The following SYNJ1 variants were observed in gnomAD, a reference collection of about 807,000 sequenced individuals.
SYNJ1 encodes the protein synaptojanin 1.
Under a neutral mutation model 168.2 loss-of-function variants are expected in SYNJ1, and 78 were observed. That is an observed-to-expected ratio of 0.46 (90% CI 0.39 to 0.56). The LOEUF (loss-of-function observed/expected upper bound fraction) is 0.56. Ranked by LOEUF, SYNJ1 falls within the 20% of genes least tolerant of loss-of-function variation. The pLI is 0.00. For missense variants in SYNJ1, 1,303 were observed against 1,597.6 expected (o/e 0.82, Z 3.14); for synonymous variants, 539 against 548.6 (o/e 0.98, Z 0.24).
chr21:32,668,176 C>G (rs757987341), intron 15 of SYNJ1, among the ~76,000 whole-genome samples: 2 of 152,122 alleles, frequency 1.3e-5, no homozygotes, highest in Non-Finnish European at 2.9e-5. Flanking sequence ...GCGATTCTCC[C>G]TGCCTCAGCC....
intron 2 of SYNJ1, among the ~76,000 whole-genome samples, chr21:32,725,462 C>T (rs2043411521): frequency 6.6e-6 from 1 of 152,256 alleles, no homozygotes; most frequent in South Asian, 2.1e-4. Context: ...ATACTTATTT[C>T]TTGGAAGACC....
At chr21:32,683,490 A>G (rs1384644541) in intron 10 of SYNJ1, among the ~76,000 whole-genome samples, 1 of 151,408 alleles carries the variant, frequency 6.6e-6, no homozygotes, top group African/African-American at 2.4e-5. Flanking sequence ...CTGGATTGGT[A>G]TCAGAGAAGT....
Position 32,656,740 on chromosome 21 carries a change from C to A in SYNJ1, c.2742G>T (p.Leu914Phe). The change falls in exon 21 of 33, where the codon TTG (leucine) becomes TTT (phenylalanine). Residue 914 changes from leucine to phenylalanine, a missense_variant. By Grantham distance (22) the Leu-to-Phe change is conservative (BLOSUM62 0). This residue lies in a region of SYNJ1 where 920 missense variants were observed against 1,208.8 expected (regional missense o/e 0.76). Coordinates refer to ENST00000674351, the MANE Select transcript of SYNJ1 (RefSeq NM_203446.3). ...CAAACTGCTGCAGAAGCTCATCAAT[C>A]AAGGCATCATCAAAAAAATTATTTT... ...LPENNFFDDALIDELLQQFAS... is the reference protein window; with the variant it reads ...LPENNFFDDAFIDELLQQFAS... 1 of 1,613,976 alleles carries A rather than the reference C, an allele frequency of 6.2e-7. No individual in the cohort carries two copies. The highest frequency in any genetic ancestry group is 1.1e-5 in the South Asian group (1 of 91,058).
Position 32,645,771 on chromosome 21 carries a change from T to C in SYNJ1, c.3266A>G (p.Gln1089Arg), listed in dbSNP as rs779932426. 2 of 1,470,380 alleles carry C rather than the reference T, an allele frequency of 1.4e-6. No homozygotes were observed. The highest frequency in any genetic ancestry group is 9.0e-7 in the Non-Finnish European group (1 of 1,108,656). The allele number at this position is 1,470,380 out of a possible 1,614,324, so 91.1% of individuals were successfully genotyped here. A position where few individuals can be genotyped will look rare whatever the true frequency, so the allele number is the denominator to read the frequency against. Reference sequence around the variant, plus strand: ...TTTCTGCGGCAGCGGCGTTGCTGGCTGCGCGTCAATAGGAGAACCTAAAAA... The same window carrying C: ...TTTCTGCGGCAGCGGCGTTGCTGGCCGCGCGTCAATAGGAGAACCTAAAAA... ...PSAQSSPIDAQPATPLPQKDP... is the reference protein window; with the variant it reads ...PSAQSSPIDARPATPLPQKDP... Residue 1089 changes from glutamine to arginine, a missense_variant, in exon 25 of 33, where the codon CAG (glutamine) becomes CGG (arginine). This residue lies in a region of SYNJ1 where 383 missense variants were observed against 388.8 expected (regional missense o/e 0.99). Coordinates refer to ENST00000674351, the MANE Select transcript of SYNJ1 (RefSeq NM_203446.3).
intron 21 of SYNJ1, among the ~76,000 whole-genome samples, chr21:32,654,368 C>G (rs554282766): frequency 6.6e-6 from 1 of 152,332 alleles, no homozygotes. Context: ...GCAACTGACT[C>G]AATTTCTTTG....
intron 2 of SYNJ1, among the ~76,000 whole-genome samples, chr21:32,724,425 T>C (rs186992448): frequency 6.6e-6 from 1 of 152,122 alleles, no homozygotes; most frequent in Non-Finnish European, 1.5e-5. Flanking sequence ...GAGGTGGAGG[T>C]TGCAGTGAGC....
chr21:32,660,814 G>C (rs930814610), intron 18 of SYNJ1, among the ~76,000 whole-genome samples: 2 of 152,176 alleles, frequency 1.3e-5, no homozygotes, highest in African/African-American at 4.8e-5. Flanking sequence ...AAACTCTAGG[G>C]GAAAGGACAT....
chr21:32,638,950 C>T lies in SYNJ1; in HGVS notation c.3873G>A (p.Arg1291=), dbSNP rs141669628. The T allele has an allele frequency of 6.2e-7, 1 of 1,613,506 alleles. No homozygotes were observed. The highest frequency in any genetic ancestry group is 2.2e-5 in the East Asian group (1 of 44,874). The change falls in exon 31 of 33, where the codon AGG becomes AGA. Residue 1291 remains arginine, a synonymous_variant. Transcript: ENST00000674351. ...ETPPQPPPRS[R]SSHSLPSEAS... is the part of the protein sequence containing the mutation. ...CTTCTGAAGGCAAGCTATGGGATGACCTGCTTCGAGGTGGTGGTTGTGGTG... is the reference window on the plus strand; with the variant it reads ...CTTCTGAAGGCAAGCTATGGGATGATCTGCTTCGAGGTGGTGGTTGTGGTG...
At chr21:32,704,111 T>C (rs1355740822) in intron 2 of SYNJ1, among the ~76,000 whole-genome samples, 1 of 152,256 alleles carries the variant, frequency 6.6e-6, no homozygotes, top group East Asian at 1.9e-4. Context: ...CTTCTAATAA[T>C]GCATAATAAC....
intron 28 of SYNJ1, 47 bp from the exon 29 acceptor site, chr21:32,642,013 C>G (rs2039862452): frequency 1.2e-6 from 2 of 1,612,634 alleles, no homozygotes; most frequent in East Asian, 4.5e-5. Context: ...AAAAAATAAA[C>G]AAGAAACCAT....
intron 18 of SYNJ1, among the ~76,000 whole-genome samples, chr21:32,663,555 C>T (rs2145904687): frequency 6.6e-6 from 1 of 152,318 alleles, no homozygotes; most frequent in South Asian, 2.1e-4. Context: ...AACCATCTTT[C>T]TTCCTACTGC....
Position 32,631,688 on chromosome 21 carries a change from T to C in SYNJ1, c.*117A>G, listed in dbSNP as rs2039335055. On this transcript the variant is annotated 3_prime_UTR_variant, in exon 33 of 33. Transcript: ENST00000674351. ...GGTCTGGGGTGGGAACAGGTGACGT[T>C]TGAACAGATAGCTGAGCCTTTGATA... is the stretch of plus-strand genomic sequence containing the variant. 3 of 1,614,204 alleles carry C rather than the reference T, an allele frequency of 1.9e-6. No individual in the cohort carries two copies. The highest frequency in any genetic ancestry group is 1.7e-5 in the Admixed American group (1 of 60,016).
chr21:32,719,661 C>T (rs750870439), intron 2 of SYNJ1, among the ~76,000 whole-genome samples: 65 of 150,658 alleles, frequency 4.3e-4, no homozygotes, highest in Non-Finnish European at 7.1e-4. Flanking sequence ...TGCAGTGAGC[C>T]GAGACCGTGC....
chr21:32,725,640 C>A (rs906322856), intron 2 of SYNJ1, among the ~76,000 whole-genome samples: 1 of 152,058 alleles, frequency 6.6e-6, no homozygotes. Context: ...ATTCTACATG[C>A]AAAGAGTGAG....
intron 2 of SYNJ1, among the ~76,000 whole-genome samples, chr21:32,725,456 T>G (rs1336072023): frequency 6.6e-6 from 1 of 152,244 alleles, no homozygotes; most frequent in Non-Finnish European, 1.5e-5. Context: ...TTATTTATAC[T>G]TATTTCTTGG....
In SYNJ1 at chr21:32,629,159, T is replaced by C. The variant is rs2039228132; in HGVS notation, c.*2646A>G. 6.6e-6 allele frequency: 1 copy of C among 152,670 alleles called. No homozygotes were observed. Among genetic ancestry groups the C allele is most frequent in the Non-Finnish European group, 1.5e-5 (1 of 68,046 alleles). The allele number at this position is 152,670 out of a possible 1,614,324, so 9.5% of individuals were successfully genotyped here. The stretch of plus-strand genomic sequence containing the variant: ...AGTAGTTTATATTCAATAGGAAACA[T>C]TGCTCACAGATCTGCAATTTGCACT... On this transcript the variant is annotated 3_prime_UTR_variant, in exon 33 of 33. Transcript: ENST00000674351.
At chr21:32,710,623 CA>C (rs1309007154) in intron 2 of SYNJ1, among the ~76,000 whole-genome samples, 2 of 152,024 alleles carry the variant, frequency 1.3e-5, no homozygotes, top group East Asian at 3.9e-4. Context: ...CCCCTGGGCT[CA>C]AGCGATTCTC....
chr21:32,707,111 A>T (rs578170017), intron 2 of SYNJ1, among the ~76,000 whole-genome samples: 29 of 152,038 alleles, frequency 1.9e-4, no homozygotes, highest in African/African-American at 7.0e-4. Flanking sequence ...CCAACCTTTA[A>T]TCATCTTTGT....
rs1239590467 is a variant in SYNJ1 at position 32,671,363 on chromosome 21, A to C, written c.1727-991T>G. Among the ~76,000 whole-genome samples the C allele has an allele frequency of 3.9e-5, 6 of 152,178 alleles. No homozygotes were observed. The South Asian group carries it at 6.2e-4, about 16-fold the overall frequency. On this transcript the variant is annotated intron_variant, in intron 14 of 32. Transcript: ENST00000674351. The stretch of plus-strand genomic sequence containing the variant: ...AGTCTGAACTAACACTGAAATTAAA[A>C]AAAAATTATTGACTGCTATTATGTG...
Sources: allele counts gnomAD v4.1 joint callset (sites outside exome capture counted in the v4.1 genomes callset), GRCh38; gene constraint gnomAD v4.1.1; regional missense constraint gnomAD v4.1.1; transcripts MANE v1.5; gene names NCBI Gene and HGNC (gene_info 2026-07-23, HGNC 2026-07-21).